OR51B5: variants seen among roughly 807,000 people sequenced by gnomAD.
The protein encoded by OR51B5 is olfactory receptor 51B5.
For missense variants in OR51B5, 456 were observed against 374.6 expected, an observed-to-expected ratio of 1.22 and a Z score of -1.79; for synonymous variants, 186 against 144.8, an observed-to-expected ratio of 1.28 and a Z score of -2.04.
At chr11:5,461,631 T>G (rs1851055359) in intron 1 of OR51B5, among the ~76,000 whole-genome samples, 1 of 152,182 alleles carries the variant, frequency 6.6e-6, no homozygotes, top group African/African-American at 2.4e-5. Context: ...CCAAACCCCT[T>G]GGGCCTTGCA....
intron 1 of OR51B5, among the ~76,000 whole-genome samples, chr11:5,496,536 C>T (rs914443193): frequency 6.6e-6 from 1 of 152,132 alleles, no homozygotes; most frequent in African/African-American, 2.4e-5. Context: ...CTGAATACTG[C>T]CAAGAATCCC....
chr11:5,363,793 T>G (rs1168612646), intron 1 of OR51B5, among the ~76,000 whole-genome samples: 1 of 152,168 alleles, frequency 6.6e-6, no homozygotes, highest in Non-Finnish European at 1.5e-5. Context: ...AGGGACCATA[T>G]GCAATACATC....
rs1437453408 is a variant in OR51B5, at chr11:5,378,904, C to T, written n.85-31994G>A. On this transcript the variant is annotated intron_variant and non_coding_transcript_variant, in intron 1 of 4. Transcript: ENST00000415970. Reference sequence around the variant, plus strand: ...TCAACCATTGTGGAAGTCAGTGTGGCGATTCCTCAGGGATCTAGAACTAGA... The same window carrying T: ...TCAACCATTGTGGAAGTCAGTGTGGTGATTCCTCAGGGATCTAGAACTAGA... Among the ~76,000 whole-genome samples the T allele has an allele frequency of 5.3e-3, 798 of 150,824 alleles. 14 individuals carry two copies. The highest frequency in any genetic ancestry group is 0.019 in the African/African-American group (762 of 40,936).
chr11:5,444,185 T>A (rs111413059), intron 1 of OR51B5, among the ~76,000 whole-genome samples: 1 of 152,148 alleles, frequency 6.6e-6, no homozygotes, highest in African/African-American at 2.4e-5. Context: ...CATACATATA[T>A]GCTGACATAC....
chr11:5,452,187 A>G (rs1221548462), intron 1 of OR51B5, among the ~76,000 whole-genome samples: 5 of 151,868 alleles, frequency 3.3e-5, no homozygotes, highest in Admixed American at 2.6e-4. Context: ...GTATGAGGAC[A>G]AGATCTACAT....
chr11:5,479,694 A>C lies in OR51B5; in HGVS notation n.84+25875T>G, dbSNP rs1590020686. On this transcript the variant is annotated intron_variant and non_coding_transcript_variant, in intron 1 of 4. Transcript: ENST00000415970. ...CTACCAAGCAAATGGAAAACAAAAA[A>C]AGGCAGGGGTTGCAATCCTAGTCTC... Among the ~76,000 whole-genome samples the C allele has an allele frequency of 4.0e-5, 6 of 150,944 alleles. No homozygotes were observed. In the South Asian group the frequency reaches 8.6e-4, roughly 22 times the overall value.
chr11:5,476,619 G>C (rs1004027457), intron 1 of OR51B5, among the ~76,000 whole-genome samples: 1 of 152,156 alleles, frequency 6.6e-6, no homozygotes, highest in Non-Finnish European at 1.5e-5. Context: ...ATAAGAGGAA[G>C]GACAAGAACT....
chr11:5,473,822 CAA>C (rs1392348809), intron 1 of OR51B5, among the ~76,000 whole-genome samples: 5 of 151,066 alleles, frequency 3.3e-5, no homozygotes, highest in African/African-American at 7.3e-5. Flanking sequence ...AATTATAGGA[CAA>C]AAAATTTAAT....
At chr11:5,463,944 G>C (rs776710045) in intron 1 of OR51B5, among the ~76,000 whole-genome samples, 5 of 152,186 alleles carry the variant, frequency 3.3e-5, no homozygotes, top group Non-Finnish European at 7.3e-5. Context: ...TGGTGGACGT[G>C]TTAATGTTCA....
chr11:5,401,063 A>G (rs1849960798), intron 1 of OR51B5, among the ~76,000 whole-genome samples: 2 of 152,172 alleles, frequency 1.3e-5, no homozygotes, highest in Admixed American at 1.3e-4. Context: ...CTAGTCTAGG[A>G]TTCTAATGTT....
chr11:5,396,753 C>A (rs189363265), intron 1 of OR51B5, among the ~76,000 whole-genome samples: 2,857 of 151,990 alleles, frequency 0.019, 35 homozygotes, highest in East Asian at 0.05. Flanking sequence ...CAAGTCAATC[C>A]TAAGCCAAAA....
At chr11:5,420,729 GTTAC>G (rs1311917725) in intron 1 of OR51B5, among the ~76,000 whole-genome samples, 3 of 151,924 alleles carry the variant, frequency 2.0e-5, no homozygotes, top group East Asian at 3.9e-4. Context: ...TTTTCATTTA[GTTAC>G]TTAATTCATT....
chr11:5,452,066 T>C (rs1298912920), intron 1 of OR51B5, among the ~76,000 whole-genome samples: 1 of 152,186 alleles, frequency 6.6e-6, no homozygotes, highest in Non-Finnish European at 1.5e-5. Flanking sequence ...TTAATATCAG[T>C]GGGCAGTCCC....
At chr11:5,437,338 A>T (rs1850607722) in intron 1 of OR51B5, among the ~76,000 whole-genome samples, 1 of 152,154 alleles carries the variant, frequency 6.6e-6, no homozygotes, top group Non-Finnish European at 1.5e-5. Context: ...CAACGGGAAA[A>T]TTCCAGAGCT....
intron 1 of OR51B5, chr11:5,505,416 C>T: frequency 7.7e-7 from 1 of 1,304,142 alleles, no homozygotes; most frequent in South Asian, 1.2e-5. Context: ...CCACCATAAA[C>T]AATAGGTTTT....
At chr11:5,369,102 C>A (rs1407101861) in intron 1 of OR51B5, among the ~76,000 whole-genome samples, 1 of 152,092 alleles carries the variant, frequency 6.6e-6, no homozygotes, top group Non-Finnish European at 1.5e-5. Context: ...CACCTAGAGA[C>A]ATATGGCCAT....
chr11:5,422,283 G>A (rs1850352185), intron 1 of OR51B5: 1 of 1,614,038 alleles, frequency 6.2e-7, no homozygotes, highest in East Asian at 2.2e-5. Flanking sequence ...TCCCACATCT[G>A]GATCTCCATC....
intron 1 of OR51B5, among the ~76,000 whole-genome samples, chr11:5,504,090 T>C (rs1413233733): frequency 6.6e-6 from 1 of 152,070 alleles, no homozygotes; most frequent in East Asian, 1.9e-4. Flanking sequence ...CCTCAATAAG[T>C]GTTAGCTAAA....
At chr11:5,421,977 C>T (rs1405849174) in intron 1 of OR51B5, 8 of 492,446 alleles carry the variant, frequency 1.6e-5, no homozygotes, top group Non-Finnish European at 2.8e-5. Flanking sequence ...ATATATATTC[C>T]GTCATCAAGG....
Sources: gnomAD v4.1 joint callset for allele counts (sites outside exome capture counted in the v4.1 genomes callset) on GRCh38, gnomAD v4.1.1 for gene constraint, MANE v1.5 for transcripts, NCBI Gene and HGNC (gene_info 2026-07-23, HGNC 2026-07-21) for gene names.